Variants in DCDC1 observed in about 807,000 individuals in gnomAD.
DCDC1 encodes the protein doublecortin domain containing 1.
A neutral mutation model predicts 178.3 loss-of-function variants in DCDC1; 200 were observed. The ratio of observed to expected loss-of-function variants is 1.12; its 90% CI spans 1.00 to 1.26. The LOEUF is 1.26. DCDC1 is among the 50% of genes most tolerant of loss of function. The pLI, the probability that DCDC1 is intolerant of heterozygous loss-of-function variation, is 0.00. For synonymous variants in DCDC1, 690 were observed against 604.8 expected, an observed-to-expected ratio of 1.14 and a Z score of -2.07; for missense variants, 1,983 against 1,749.2, an observed-to-expected ratio of 1.13 and a Z score of -2.38.
chr11:31,238,521 T>C (rs967763113), intron 9 of DCDC1, among the ~76,000 whole-genome samples: 1 of 152,072 alleles, frequency 6.6e-6, no homozygotes, highest in Admixed American at 6.6e-5. Context: ...CTGACAGGAC[T>C]GTGGCCTTTT....
At chr11:31,307,441 T>C in intron 4 of DCDC1, 198 bp downstream of exon 4, 1 of 611,234 alleles carries the variant, frequency 1.6e-6, no homozygotes, top group South Asian at 2.5e-5. Flanking sequence ...CGGGTTGAAG[T>C]GTATCTCATA....
At chr11:31,196,832 A>C (rs1259727789) in intron 9 of DCDC1, among the ~76,000 whole-genome samples, 4 of 152,086 alleles carry the variant, frequency 2.6e-5, no homozygotes, top group Non-Finnish European at 5.9e-5. Flanking sequence ...ATATGGTTGA[A>C]AGTTCCAATC....
chr11:31,020,646 A>G (rs1201586848), intron 20 of DCDC1, among the ~76,000 whole-genome samples: 1 of 152,104 alleles, frequency 6.6e-6, no homozygotes, highest in Non-Finnish European at 1.5e-5. Context: ...TGTGTTGACC[A>G]GGTTGGTTTT....
intron 1 of DCDC1, among the ~76,000 whole-genome samples, chr11:31,338,684 G>A (rs1320857972): frequency 6.6e-6 from 1 of 152,144 alleles, no homozygotes; most frequent in Non-Finnish European, 1.5e-5. Flanking sequence ...ACCAAAGAAG[G>A]GGGTATGGGG....
intron 6 of DCDC1, among the ~76,000 whole-genome samples, chr11:31,304,708 C>T (rs1411807030): frequency 6.6e-6 from 1 of 152,024 alleles, no homozygotes; most frequent in Non-Finnish European, 1.5e-5. Flanking sequence ...GCAATTACTG[C>T]CTAGACTTGC....
At chr11:31,152,974 T>G (rs1418215915) in intron 9 of DCDC1, among the ~76,000 whole-genome samples, 1 of 152,230 alleles carries the variant, frequency 6.6e-6, no homozygotes, top group Non-Finnish European at 1.5e-5. Context: ...GCCATCTATC[T>G]CTACATATTG....
chr11:31,186,259 C>G (rs1334233720), intron 9 of DCDC1, among the ~76,000 whole-genome samples: 1 of 152,130 alleles, frequency 6.6e-6, no homozygotes, highest in Non-Finnish European at 1.5e-5. Context: ...CTCCTTGTTC[C>G]TCCACAAACT....
chr11:31,315,443 C>A (rs1181766650), intron 3 of DCDC1, among the ~76,000 whole-genome samples: 2 of 150,122 alleles, frequency 1.3e-5, no homozygotes, highest in Non-Finnish European at 3.0e-5. Flanking sequence ...TTCACGCCAT[C>A]CTCCTGCCTC....
At chr11:31,165,450 T>A (rs1269488733) in intron 9 of DCDC1, among the ~76,000 whole-genome samples, 1 of 152,070 alleles carries the variant, frequency 6.6e-6, no homozygotes, top group Non-Finnish European at 1.5e-5. Flanking sequence ...CAGTTGGGAA[T>A]ACAGGGACAC....
At chr11:31,070,203 T>A (rs567802445) in intron 18 of DCDC1, among the ~76,000 whole-genome samples, 2 of 152,300 alleles carry the variant, frequency 1.3e-5, no homozygotes, top group East Asian at 3.9e-4. Context: ...TGACCTCCAA[T>A]GAGGCACCCA....
Position 31,099,410 on chromosome 11 carries a change from C to T in DCDC1, c.1983+2767G>A, listed in dbSNP as rs189134716. 5.3e-5 allele frequency among the ~76,000 whole-genome samples: 8 copies of T among 152,242 alleles called. No individual in the cohort carries two copies. The East Asian group carries it at 1.5e-3, about 29-fold the overall frequency. Reference sequence around the variant, plus strand: ...GGCTCCTTGCTTTCTACAGAAAAACCAGAATTCCCTAATATTGAATTAAGA... The same window carrying T: ...GGCTCCTTGCTTTCTACAGAAAAACTAGAATTCCCTAATATTGAATTAAGA... On this transcript the variant is annotated intron_variant, in intron 15 of 38. Coordinates refer to ENST00000684477, the MANE Select transcript of DCDC1 (RefSeq NM_001387274.1).
At chr11:31,225,379 G>C (rs1470349560) in intron 9 of DCDC1, among the ~76,000 whole-genome samples, 1 of 149,120 alleles carries the variant, frequency 6.7e-6, no homozygotes, top group African/African-American at 2.5e-5. Context: ...GGGAAAGTTG[G>C]GGGGGAGTGA....
At chr11:30,979,817 C>G (rs141445430) in intron 20 of DCDC1, among the ~76,000 whole-genome samples, 3 of 152,166 alleles carry the variant, frequency 2.0e-5, no homozygotes, top group African/African-American at 7.2e-5. Flanking sequence ...AGAAGTCACC[C>G]AATAAATATT....
intron 20 of DCDC1, among the ~76,000 whole-genome samples, chr11:30,959,891 G>C (rs1948993554): frequency 6.6e-6 from 1 of 152,018 alleles, no homozygotes; most frequent in Admixed American, 6.6e-5. Context: ...CACTCCACCT[G>C]GTACTTTATT....
chr11:31,340,657 C>A, intron 1 of DCDC1, among the ~76,000 whole-genome samples: 1 of 152,096 alleles, frequency 6.6e-6, no homozygotes, highest in East Asian at 1.9e-4. Context: ...CTCATCCAAT[C>A]AGTTTAAAGC....
intron 9 of DCDC1, among the ~76,000 whole-genome samples, chr11:31,194,822 A>T (rs528964338): frequency 6.6e-6 from 1 of 152,108 alleles, no homozygotes; most frequent in Non-Finnish European, 1.5e-5. Flanking sequence ...AAAAGTTATA[A>T]ACAGTGTTAA....
At chr11:31,130,954 G>A (rs1211541238) in intron 10 of DCDC1, among the ~76,000 whole-genome samples, 3 of 27,174 alleles carry the variant, frequency 1.1e-4, no homozygotes, top group Admixed American at 6.5e-4. Flanking sequence ...AGGCCGAGGC[G>A]GGTGGATCAT....
intron 11 of DCDC1, among the ~76,000 whole-genome samples, chr11:31,115,005 T>G (rs1325286853): frequency 6.6e-6 from 1 of 152,168 alleles, no homozygotes. Context: ...AATTTGTAGG[T>G]AGGTTAATAT....
intron 17 of DCDC1, among the ~76,000 whole-genome samples, chr11:31,080,878 A>T (rs1957126737): frequency 6.6e-6 from 1 of 152,240 alleles, no homozygotes; most frequent in African/African-American, 2.4e-5. Flanking sequence ...AATTTTTCAA[A>T]GTATACGACA....
Sources: allele counts gnomAD v4.1 joint callset (sites outside exome capture counted in the v4.1 genomes callset), GRCh38; gene constraint gnomAD v4.1.1; transcripts MANE v1.5; gene names NCBI Gene and HGNC (gene_info 2026-07-23, HGNC 2026-07-21).